NOL4: variants seen among roughly 807,000 people sequenced by gnomAD.
NOL4 encodes nucleolar protein 4.
NOL4 carries 17 observed loss-of-function variants against 75.9 expected under a neutral mutation model. The observed-to-expected ratio is 0.22, with a 90% CI of 0.15 to 0.34. The LOEUF is 0.34. Among genes scored for constraint, NOL4 ranks in the 10% least tolerant of loss-of-function variants. The probability of loss-of-function intolerance (pLI) is 1.00; values close to 1 mark genes in which losing one functional copy is unlikely to be tolerated. For missense variants in NOL4, 614 were observed against 793.5 expected (o/e 0.77, Z 2.72); for synonymous variants, 292 against 289.9 (o/e 1.01, Z -0.07).
At chr18:34,021,051 C>T (rs2075008606) in intron 5 of NOL4, among the ~76,000 whole-genome samples, 1 of 152,048 alleles carries the variant, frequency 6.6e-6, no homozygotes, top group Non-Finnish European at 1.5e-5. Flanking sequence ...GAATTATATT[C>T]AAATTCTGAA....
At chr18:34,116,820 G>A (rs142377053) in intron 2 of NOL4, among the ~76,000 whole-genome samples, 133 of 152,104 alleles carry the variant, frequency 8.7e-4, no homozygotes, top group African/African-American at 3.0e-3. Context: ...AAAAAATAAC[G>A]GAAAATAATT....
chr18:34,099,377 A>T (rs1324871519), intron 4 of NOL4, among the ~76,000 whole-genome samples: 1 of 150,186 alleles, frequency 6.7e-6, no homozygotes, highest in African/African-American at 2.4e-5. Context: ...AAAAAAAAAA[A>T]GACAACTACG....
rs987206573 is a variant in NOL4 at position 33,998,497 on chromosome 18, G to C, written c.1056+20821C>G. Among the ~76,000 whole-genome samples, 16 of 151,998 alleles carry C rather than the reference G, an allele frequency of 1.1e-4. 1 individual carries two copies. The highest frequency in any genetic ancestry group is 1.5e-5 in the Non-Finnish European group (1 of 67,988). On this transcript the variant is annotated intron_variant, in intron 6 of 10. Transcript: ENST00000261592. Reference sequence around the variant, plus strand: ...TGCCAGAAGAATATACTGGTGGGCAGAAAAAGAAAGGCCCAGCCTTTTCTT... The same window carrying C: ...TGCCAGAAGAATATACTGGTGGGCACAAAAAGAAAGGCCCAGCCTTTTCTT...
At chr18:33,938,561 T>G (rs894570946) in intron 9 of NOL4, among the ~76,000 whole-genome samples, 3 of 152,170 alleles carry the variant, frequency 2.0e-5, no homozygotes, top group Non-Finnish European at 4.4e-5. Context: ...ATATGTTTCT[T>G]GGCCGCATAA....
intron 1 of NOL4, among the ~76,000 whole-genome samples, chr18:34,172,644 A>G (rs2033158432): frequency 6.6e-6 from 1 of 152,108 alleles, no homozygotes; most frequent in Non-Finnish European, 1.5e-5. Context: ...TCTCACCAAC[A>G]GTACACCAAG....
chr18:33,984,172 T>C (rs1191447746), intron 6 of NOL4, among the ~76,000 whole-genome samples: 1 of 152,092 alleles, frequency 6.6e-6, no homozygotes, highest in African/African-American at 2.4e-5. Flanking sequence ...ACATTATTTC[T>C]TTACCAACAA....
intron 5 of NOL4, among the ~76,000 whole-genome samples, chr18:34,050,403 T>C (rs558630760): frequency 5.9e-5 from 9 of 152,230 alleles, no homozygotes; most frequent in Middle Eastern, 6.8e-3. Flanking sequence ...ATTTCTTAGT[T>C]AAAAATGTGT....
chr18:33,886,614 G>A (rs1386013791), intron 9 of NOL4, among the ~76,000 whole-genome samples: 1 of 150,144 alleles, frequency 6.7e-6, no homozygotes, highest in African/African-American at 2.4e-5. Context: ...TAATAACTTA[G>A]TTTCACATAT....
intron 6 of NOL4, among the ~76,000 whole-genome samples, chr18:33,973,724 C>T (rs558193560): frequency 8.5e-5 from 13 of 152,242 alleles, no homozygotes; most frequent in Non-Finnish European, 1.3e-4. Context: ...GCGCACTGTG[C>T]GGGAGCAGTA....
chr18:34,077,636 A>G (rs2077810307), intron 5 of NOL4, among the ~76,000 whole-genome samples: 1 of 152,152 alleles, frequency 6.6e-6, no homozygotes, highest in Non-Finnish European at 1.5e-5. Flanking sequence ...AAAGATCCTA[A>G]TTTTAAGTGG....
chr18:33,987,411 G>A (rs1215146298), intron 6 of NOL4, among the ~76,000 whole-genome samples: 1 of 152,072 alleles, frequency 6.6e-6, no homozygotes, highest in African/African-American at 2.4e-5. Context: ...ACATGGGGAG[G>A]AGAACAGCAG....
chr18:33,881,923 T>C (rs1320703070), intron 10 of NOL4, among the ~76,000 whole-genome samples: 4 of 152,108 alleles, frequency 2.6e-5, no homozygotes, highest in Non-Finnish European at 5.9e-5. Flanking sequence ...TATCTGATCT[T>C]TGACAAACCT....
chr18:33,919,705 G>A (rs899888612), intron 9 of NOL4, among the ~76,000 whole-genome samples: 7 of 152,284 alleles, frequency 4.6e-5, no homozygotes, highest in Non-Finnish European at 8.8e-5. Context: ...TCATTAAGAA[G>A]TGCTTATTTG....
intron 5 of NOL4, among the ~76,000 whole-genome samples, chr18:34,047,780 C>T (rs960598671): frequency 1.3e-5 from 2 of 151,928 alleles, no homozygotes; most frequent in Admixed American, 1.3e-4. Flanking sequence ...ATGAACAAAC[C>T]CACATAGACG....
Position 33,957,516 on chromosome 18 carries a change from A to G in NOL4, c.1238T>C (p.Met413Thr), listed in dbSNP as rs2069739896. Residue 413 changes from methionine (M) to threonine (T), a missense_variant and splice_region_variant, in exon 8 of 11, where the codon ATG (methionine) becomes ACG (threonine). By Grantham distance (81) the Met-to-Thr change is moderately conservative. This residue lies in a region of NOL4 where 52 missense variants were observed against 121.1 expected (regional missense o/e 0.43). Coordinates refer to ENST00000261592, the MANE Select transcript of NOL4 (RefSeq NM_003787.5). ...VEAERLKAFN[M>T]FVRLFVDENL... ...TTCATCTACAAACAGCCTGACAAAC[A>G]TCTGTTGGCAAGAGGGAGACAGAGG... 1 of 1,611,978 alleles carries G rather than the reference A, an allele frequency of 6.2e-7. No individual in the cohort carries two copies. Among genetic ancestry groups the G allele is most frequent in the Non-Finnish European group, 8.5e-7 (1 of 1,178,742 alleles).
At chr18:34,046,907 C>T (rs555842290) in intron 5 of NOL4, among the ~76,000 whole-genome samples, 1 of 151,732 alleles carries the variant, frequency 6.6e-6, no homozygotes, top group South Asian at 2.1e-4. Context: ...GGTCCTATCC[C>T]GAACTACTAA....
intron 5 of NOL4, among the ~76,000 whole-genome samples, chr18:34,024,215 A>ATATATATATATATATATAT (rs1491509605): frequency 2.1e-4 from 27 of 127,430 alleles, no homozygotes; most frequent in Non-Finnish European, 2.4e-4. Context: ...ATATATATAT[A>ATATATATATATATATATAT]AAATCCTCAT....
At chr18:34,018,889 C>T (rs2074865416) in intron 6 of NOL4, among the ~76,000 whole-genome samples, 1 of 152,080 alleles carries the variant, frequency 6.6e-6, no homozygotes, top group Admixed American at 6.6e-5. Flanking sequence ...GTCCCCAGGT[C>T]TCCAAAGCAA....
chr18:33,888,822 C>T (rs766957443), intron 9 of NOL4, among the ~76,000 whole-genome samples: 1 of 152,028 alleles, frequency 6.6e-6, no homozygotes, highest in Non-Finnish European at 1.5e-5. Context: ...GTTGCTGTAG[C>T]CTTGTAGTAT....
Sources: gnomAD v4.1 joint callset for allele counts (sites outside exome capture counted in the v4.1 genomes callset) on GRCh38, gnomAD v4.1.1 for gene constraint, gnomAD v4.1.1 regional missense constraint, MANE v1.5 for transcripts, NCBI Gene and HGNC (gene_info 2026-07-23, HGNC 2026-07-21) for gene names.